Variants in EFCAB6 observed in about 807,000 individuals in gnomAD.
EFCAB6 encodes the protein EF-hand calcium-binding domain-containing protein 6.
A neutral mutation model predicts 169.8 loss-of-function variants in EFCAB6; 156 were observed. The ratio of observed to expected loss-of-function variants is 0.92; its 90% CI spans 0.81 to 1.05. The LOEUF is 1.05. EFCAB6 is among the 50% of genes least tolerant of loss of function. The pLI, the probability that EFCAB6 is intolerant of heterozygous loss-of-function variation, is 0.00. For missense variants in EFCAB6, 1,800 were observed against 1,829.1 expected (o/e 0.98, Z 0.29); for synonymous variants, 698 against 676.4 (o/e 1.03, Z -0.50).
rs372542376 is a variant in EFCAB6 at position 43,590,852 on chromosome 22, G to C, written c.2877-623C>G. On this transcript the variant is annotated intron_variant, in intron 23 of 31. Transcript: ENST00000262726. ...GATGGATGCAAAAGAGTCAGCTGGGGACTGGAGAACAGCCAGTGCCAAGGC... is the reference window on the plus strand; with the variant it reads ...GATGGATGCAAAAGAGTCAGCTGGGCACTGGAGAACAGCCAGTGCCAAGGC... 2.2e-4 allele frequency among the ~76,000 whole-genome samples: 34 copies of C among 152,266 alleles called. No homozygotes were observed. In the South Asian group the frequency reaches 6.0e-3, roughly 27 times the overall value.
chr22:43,712,569 G>T (rs1050865092), intron 9 of EFCAB6, among the ~76,000 whole-genome samples: 1 of 152,150 alleles, frequency 6.6e-6, no homozygotes, highest in African/African-American at 2.4e-5. Flanking sequence ...TCATTAGAAA[G>T]GACCTAAGCT....
chr22:43,654,718 C>T (rs4823126), intron 17 of EFCAB6, among the ~76,000 whole-genome samples: 42,309 of 151,996 alleles, frequency 0.28, 7,027 homozygotes, highest in East Asian at 0.63. Context: ...ACCCTAGATA[C>T]GATCCTAGAC....
intron 17 of EFCAB6, among the ~76,000 whole-genome samples, chr22:43,643,800 G>A (rs1432672242): frequency 6.6e-6 from 1 of 152,102 alleles, no homozygotes; most frequent in Non-Finnish European, 1.5e-5. Flanking sequence ...CTGAAATTCA[G>A]TGGCTTACAA....
chr22:43,723,439 G>T (rs966950535), intron 8 of EFCAB6, among the ~76,000 whole-genome samples: 1 of 152,050 alleles, frequency 6.6e-6, no homozygotes, highest in Admixed American at 6.5e-5. Context: ...TCTAAAAGTT[G>T]AATTTTTTTA....
chr22:43,623,826 G>A (rs1472056995), intron 20 of EFCAB6, among the ~76,000 whole-genome samples: 2 of 149,982 alleles, frequency 1.3e-5, no homozygotes, highest in African/African-American at 4.9e-5. Context: ...GGAGAATGGC[G>A]TGAACCTGGG....
At chr22:43,562,226 C>T (rs1052809471) in intron 26 of EFCAB6, among the ~76,000 whole-genome samples, 1 of 152,190 alleles carries the variant, frequency 6.6e-6, no homozygotes, top group South Asian at 2.1e-4. Flanking sequence ...GCAAAGACAG[C>T]CCACCACTAC....
At chr22:43,689,554 C>T (rs985317627) in intron 10 of EFCAB6, among the ~76,000 whole-genome samples, 1 of 152,150 alleles carries the variant, frequency 6.6e-6, no homozygotes, top group Non-Finnish European at 1.5e-5. Context: ...CCATCAACAG[C>T]GCTCATGAAA....
At chr22:43,529,088 C>T (rs1569103437) in intron 31 of EFCAB6, 113 bp from the exon 32 acceptor site, 5 of 1,229,668 alleles carry the variant, frequency 4.1e-6, no homozygotes, top group East Asian at 2.4e-5. Flanking sequence ...ACCCCACTTC[C>T]GATGTCAGCC....
chr22:43,778,364 A>G (rs1265589588), intron 3 of EFCAB6, among the ~76,000 whole-genome samples: 2 of 152,174 alleles, frequency 1.3e-5, no homozygotes, highest in Admixed American at 6.5e-5. Context: ...ATGGCACACG[A>G]GGTTTTGCAC....
chr22:43,675,359 A>G (rs1486682825), intron 13 of EFCAB6, among the ~76,000 whole-genome samples: 3 of 110,376 alleles, frequency 2.7e-5, no homozygotes, highest in Non-Finnish European at 6.0e-5. Context: ...TTATACTATA[A>G]TATATAATAT....
At chr22:43,784,591 GTATATATACACA>G (rs2061975322) in intron 2 of EFCAB6, among the ~76,000 whole-genome samples, 2 of 57,464 alleles carry the variant, frequency 3.5e-5, no homozygotes, top group South Asian at 1.3e-3. Context: ...ACATATATAT[GTATATATACACA>G]TATATATGTG....
intron 21 of EFCAB6, among the ~76,000 whole-genome samples, chr22:43,611,752 C>T (rs984825597): frequency 6.6e-6 from 1 of 152,138 alleles, no homozygotes; most frequent in Admixed American, 6.5e-5. Flanking sequence ...GAGCCAAGAT[C>T]ACACCACTGC....
intron 17 of EFCAB6, among the ~76,000 whole-genome samples, chr22:43,666,072 G>A (rs1188128697): frequency 4.6e-5 from 7 of 152,338 alleles, no homozygotes; most frequent in Admixed American, 3.9e-4. Flanking sequence ...ACAGGCGTGA[G>A]CTACCACACC....
At position 43,762,098 on chromosome 22, in the gene EFCAB6, C is replaced by T. The variant is rs375354000; in HGVS notation, c.440+3207G>A. Reference sequence around the variant, plus strand: ...GGATTACTCAAAAAAGTTCCTTGCCCGAAACTTTTCAGACCACATAGCATG... The same window carrying T: ...GGATTACTCAAAAAAGTTCCTTGCCTGAAACTTTTCAGACCACATAGCATG... On this transcript the variant is annotated intron_variant, in intron 5 of 31. Coordinates refer to ENST00000262726, the MANE Select transcript of EFCAB6 (RefSeq NM_022785.4). 1.6e-4 allele frequency among the ~76,000 whole-genome samples: 25 copies of T among 152,306 alleles called. No homozygotes were observed. In the South Asian group the frequency reaches 2.3e-3, roughly 14 times the overall value.
chr22:43,693,595 T>C (rs2058479184), intron 10 of EFCAB6, among the ~76,000 whole-genome samples: 1 of 149,574 alleles, frequency 6.7e-6, no homozygotes, highest in Non-Finnish European at 1.5e-5. Context: ...ATAAATCAAT[T>C]ACAGACTTTA....
intron 26 of EFCAB6, among the ~76,000 whole-genome samples, chr22:43,560,787 C>T (rs974274961): frequency 3.9e-5 from 6 of 152,222 alleles, no homozygotes; most frequent in African/African-American, 1.2e-4. Flanking sequence ...CGCCCGGATT[C>T]TACCCAGGCT....
chr22:43,539,172 A>G (rs2047550644), intron 28 of EFCAB6, among the ~76,000 whole-genome samples: 1 of 152,184 alleles, frequency 6.6e-6, no homozygotes, highest in Non-Finnish European at 1.5e-5. Context: ...CTGATTAGCA[A>G]CTTCAGTTCT....
intron 2 of EFCAB6, among the ~76,000 whole-genome samples, chr22:43,796,410 A>G (rs1234410958): frequency 6.6e-6 from 1 of 152,158 alleles, no homozygotes; most frequent in Non-Finnish European, 1.5e-5. Context: ...TGCTGCCCCA[A>G]ATACAGAGCC....
intron 22 of EFCAB6, among the ~76,000 whole-genome samples, chr22:43,606,399 T>G (rs553156597): frequency 1.3e-5 from 2 of 152,280 alleles, no homozygotes; most frequent in South Asian, 4.1e-4. Flanking sequence ...GCAGACCCAG[T>G]GTTTAAGAAG....
Sources: gnomAD v4.1 joint callset for allele counts (sites outside exome capture counted in the v4.1 genomes callset) on GRCh38, gnomAD v4.1.1 for gene constraint, MANE v1.5 for transcripts, NCBI Gene and HGNC (gene_info 2026-07-23, HGNC 2026-07-21) for gene names.